TBC1D10A: variants seen among roughly 807,000 people sequenced by gnomAD.
The protein encoded by TBC1D10A is TBC1 domain family member 10A.
Under a neutral mutation model 52.9 loss-of-function variants are expected in TBC1D10A, and 24 were observed. The observed-to-expected ratio is 0.45, with a 90% CI of 0.33 to 0.64. TBC1D10A has a LOEUF of 0.64. Among genes scored for constraint, TBC1D10A ranks in the 30% least tolerant of loss-of-function variants. The probability of loss-of-function intolerance (pLI) is 0.02; values close to 1 mark genes in which losing one functional copy is unlikely to be tolerated. For missense variants in TBC1D10A, 602 were observed against 687.9 expected, an observed-to-expected ratio of 0.88 and a Z score of 1.40; for synonymous variants, 278 against 282.9, an observed-to-expected ratio of 0.98 and a Z score of 0.17.
At chr22:30,303,565 G>A (rs923053262) in intron 2 of TBC1D10A, among the ~76,000 whole-genome samples, 14 of 152,272 alleles carry the variant, frequency 9.2e-5, no homozygotes, top group African/African-American at 2.7e-4. Flanking sequence ...CAGGTGTGAA[G>A]AGAGGAAAGG....
At chr22:30,320,439 T>C (rs1007069141) in intron 1 of TBC1D10A, among the ~76,000 whole-genome samples, 35 of 152,272 alleles carry the variant, frequency 2.3e-4, no homozygotes, top group Admixed American at 7.2e-4. Flanking sequence ...AGTAAGCACC[T>C]GGCACCCTGC....
intron 1 of TBC1D10A, among the ~76,000 whole-genome samples, chr22:30,308,324 A>ATGCCTGCCTGCCTGCC (rs141019001): frequency 0.018 from 2,735 of 147,856 alleles, 45 homozygotes; most frequent in East Asian, 0.032. Flanking sequence ...GCATGCCTGC[A>ATGCCTGCCTGCCTGCC]TGCCTGCATG....
intron 8 of TBC1D10A, 185 bp downstream of exon 8, chr22:30,293,466 G>A: frequency 2.1e-6 from 2 of 931,730 alleles, no homozygotes; most frequent in South Asian, 1.5e-5. Flanking sequence ...GCAGAGCCAA[G>A]CCTCTCTGTG....
chr22:30,299,629 G>T, intron 2 of TBC1D10A, 78 bp from the exon 3 acceptor site: 1 of 1,354,394 alleles, frequency 7.4e-7, no homozygotes, highest in African/African-American at 1.4e-5. Flanking sequence ...CCAATGCGTG[G>T]TGGGCCCTCA....
chr22:30,317,970 T>C (rs928885598), intron 1 of TBC1D10A, among the ~76,000 whole-genome samples: 3 of 152,136 alleles, frequency 2.0e-5, no homozygotes, highest in Admixed American at 2.0e-4. Flanking sequence ...AGTCACATAT[T>C]ACAAAGGTCA....
At chr22:30,325,905 T>TGGTCTGTCCTAGTGGTG (rs1173516649) in intron 1 of TBC1D10A, among the ~76,000 whole-genome samples, 1 of 152,110 alleles carries the variant, frequency 6.6e-6, no homozygotes, top group Non-Finnish European at 1.5e-5. Context: ...CTGGAGCTGA[T>TGGTCTGTCCTAGTGGTG]GGTCTGTCCT....
At chr22:30,314,254 C>T (rs1569163574) in intron 1 of TBC1D10A, among the ~76,000 whole-genome samples, 1 of 152,206 alleles carries the variant, frequency 6.6e-6, no homozygotes, top group Non-Finnish European at 1.5e-5. Context: ...TATACACAGC[C>T]TTGCTCCTGA....
At chr22:30,295,628 G>A in intron 4 of TBC1D10A, 109 bp downstream of exon 4, 1 of 1,021,200 alleles carries the variant, frequency 9.8e-7, no homozygotes, top group Non-Finnish European at 1.5e-6. Context: ...GCTAAGAGTG[G>A]AGTTGGGGGC....
chr22:30,293,331 G>A, intron 8 of TBC1D10A: 1 of 630,142 alleles, frequency 1.6e-6, no homozygotes, highest in South Asian at 1.5e-5. Flanking sequence ...TGAGAGACAA[G>A]TATCCATAAA....
chr22:30,307,529 A>T (rs1039320636), intron 1 of TBC1D10A, among the ~76,000 whole-genome samples: 1 of 152,060 alleles, frequency 6.6e-6, no homozygotes, highest in Non-Finnish European at 1.5e-5. Context: ...AGGCCATACA[A>T]TTCTCCCATA....
rs1457273277 is a variant in TBC1D10A, at chr22:30,293,721, T to C, written c.980A>G (p.Gln327Arg). ...CCGCAGTCGCTCGATGGTCTCGTAC[T>C]GGCCCTGGCAGGCTTTGACCTTCTC... Reference protein sequence around the residue: ...SPEKVKACQGQYETIERLRSL... With the variant: ...SPEKVKACQGRYETIERLRSL... Residue 327 changes from glutamine to arginine, a missense_variant, in exon 8 of 9, where the codon CAG becomes CGG. Physicochemically the swap from Gln to Arg is conservative, Grantham distance 43 (BLOSUM62 1). This residue lies in a region of TBC1D10A where 265 missense variants were observed against 275.1 expected (regional missense o/e 0.96). Transcript: ENST00000215790. The C allele has an allele frequency of 6.2e-7, 1 of 1,613,542 alleles. No homozygotes were observed. Among genetic ancestry groups the C allele is most frequent in the Admixed American group, 1.7e-5 (1 of 60,024 alleles).
At chr22:30,316,543 C>T (rs1930541534) in intron 1 of TBC1D10A, among the ~76,000 whole-genome samples, 1 of 151,254 alleles carries the variant, frequency 6.6e-6, no homozygotes, top group Non-Finnish European at 1.5e-5. Flanking sequence ...GCCTTGATTT[C>T]CCAGGCTCAA....
intron 1 of TBC1D10A, among the ~76,000 whole-genome samples, chr22:30,323,043 C>T (rs532980587): frequency 2.6e-5 from 4 of 151,656 alleles, no homozygotes; most frequent in African/African-American, 9.7e-5. Context: ...GCTGGGATTA[C>T]AGGTGCCCAC....
intron 1 of TBC1D10A, among the ~76,000 whole-genome samples, chr22:30,310,654 T>C (rs1347220037): frequency 6.6e-6 from 1 of 152,150 alleles, no homozygotes; most frequent in Non-Finnish European, 1.5e-5. Context: ...GCTGGCCGTG[T>C]ACTAGCTCTG....
chr22:30,308,292 A>ATGCCTGCATGCCTGCCTGCCTGCC (rs1168822429), intron 1 of TBC1D10A, among the ~76,000 whole-genome samples: 4 of 78,716 alleles, frequency 5.1e-5, no homozygotes, highest in Admixed American at 1.1e-4. Flanking sequence ...GCATGCCTGC[A>ATGCCTGCATGCCTGCCTGCCTGCC]TGCCTGCATG....
rs764912701 is a variant in TBC1D10A at position 30,326,892 on chromosome 22, C to T, written c.-11G>A. ...GTTGCTCTTCGCCATCCCAGCCGCG[C>T]CCGCCGCCTGAGCTCCAGCGGCCAC... On this transcript the variant is annotated 5_prime_UTR_variant, in exon 1 of 9. Transcript: ENST00000215790. 15 of 1,472,166 alleles carry T rather than the reference C, an allele frequency of 1.0e-5. No homozygotes were observed. The highest frequency in any genetic ancestry group is 1.3e-5 in the Non-Finnish European group (15 of 1,119,332). The allele number at this position is 1,472,166 out of a possible 1,614,324, so 91.2% of individuals were successfully genotyped here. A position where few individuals can be genotyped will look rare whatever the true frequency, so the allele number is the denominator to read the frequency against.
chr22:30,296,747 C>A (rs1312150556), intron 3 of TBC1D10A: 1 of 152,254 alleles, frequency 6.6e-6, no homozygotes, highest in African/African-American at 2.4e-5. Flanking sequence ...TCAAAACTCA[C>A]TGAACTGCAT....
At chr22:30,313,826 G>A (rs1026911048) in intron 1 of TBC1D10A, among the ~76,000 whole-genome samples, 2 of 152,060 alleles carry the variant, frequency 1.3e-5, no homozygotes, top group Non-Finnish European at 2.9e-5. Flanking sequence ...GTAAAGCATA[G>A]TAAGAACTTG....
chr22:30,313,341 ATGTGTGTGTG>A (rs6147586), intron 1 of TBC1D10A, among the ~76,000 whole-genome samples: 169 of 138,108 alleles, frequency 1.2e-3, no homozygotes, highest in East Asian at 3.9e-3. Flanking sequence ...TGCTCAATAA[ATGTGTGTGTG>A]TGTGTGTGTG....
Sources: gnomAD v4.1 joint callset for allele counts (sites outside exome capture counted in the v4.1 genomes callset) on GRCh38, gnomAD v4.1.1 for gene constraint, gnomAD v4.1.1 regional missense constraint, MANE v1.5 for transcripts, NCBI Gene and HGNC (gene_info 2026-07-23, HGNC 2026-07-21) for gene names.